MSI2: variants seen among roughly 807,000 people sequenced by gnomAD.
MSI2 encodes the protein RNA-binding protein Musashi homolog 2.
MSI2 carries 17 observed loss-of-function variants against 45.6 expected under a neutral mutation model. That is an observed-to-expected ratio of 0.37 (90% CI 0.26 to 0.56). The LOEUF is 0.56. MSI2 is among the 20% of genes least tolerant of loss of function. The pLI, the probability that MSI2 is intolerant of heterozygous loss-of-function variation, is 0.77. For missense variants in MSI2, 293 were observed against 444.2 expected, an observed-to-expected ratio of 0.66 and a Z score of 3.06; for synonymous variants, 156 against 158.2, an observed-to-expected ratio of 0.99 and a Z score of 0.11.
intron 4 of MSI2, among the ~76,000 whole-genome samples, 178 bp downstream of exon 4, chr17:57,258,532 T>C (rs1907025997): frequency 6.6e-6 from 1 of 152,186 alleles, no homozygotes; most frequent in Non-Finnish European, 1.5e-5. Context: ...GGTTTTCTTT[T>C]TAGAGCCTGT....
intron 8 of MSI2, among the ~76,000 whole-genome samples, chr17:57,599,799 C>T (rs1471745108): frequency 6.6e-6 from 1 of 152,170 alleles, no homozygotes; most frequent in African/African-American, 2.4e-5. Context: ...AACACTGGGC[C>T]TTGCTGAGCT....
At chr17:57,274,911 G>A (rs1908711865) in intron 5 of MSI2, among the ~76,000 whole-genome samples, 2 of 152,294 alleles carry the variant, frequency 1.3e-5, no homozygotes, top group Middle Eastern at 3.4e-3. Context: ...GTAGGGTTGT[G>A]GGGATTAAAT....
chr17:57,648,168 TG>T (rs1390593753), intron 10 of MSI2, among the ~76,000 whole-genome samples: 5 of 150,010 alleles, frequency 3.3e-5, no homozygotes, highest in African/African-American at 1.2e-4. Context: ...TGTGTGTGTG[TG>T]TGTGTGTGTG....
intron 8 of MSI2, chr17:57,601,948 G>A (rs763946179): frequency 1.3e-5 from 2 of 152,206 alleles, no homozygotes; most frequent in Non-Finnish European, 2.9e-5. Flanking sequence ...TTGAACCTGT[G>A]TCATTCTGGT....
At chr17:57,289,709 T>G (rs1910241831) in intron 5 of MSI2, among the ~76,000 whole-genome samples, 1 of 152,166 alleles carries the variant, frequency 6.6e-6, no homozygotes, top group Non-Finnish European at 1.5e-5. Flanking sequence ...ACAGCTCCCT[T>G]GGTGAGAAGG....
chr17:57,382,626 A>G (rs985851271), intron 5 of MSI2, among the ~76,000 whole-genome samples: 1 of 151,714 alleles, frequency 6.6e-6, no homozygotes, highest in Non-Finnish European at 1.5e-5. Flanking sequence ...GGGCTAGAAA[A>G]CCCTGCTGGC....
chr17:57,385,919 A>G (rs2083678177), intron 5 of MSI2, among the ~76,000 whole-genome samples: 1 of 152,220 alleles, frequency 6.6e-6, no homozygotes, highest in Non-Finnish European at 1.5e-5. Context: ...TCAAGGGCAC[A>G]GAACGAAATC....
chr17:57,324,474 A>G (rs1479864245), intron 5 of MSI2, among the ~76,000 whole-genome samples: 1 of 151,786 alleles, frequency 6.6e-6, no homozygotes, highest in Non-Finnish European at 1.5e-5. Flanking sequence ...CAGTTCCTGA[A>G]GGAGCCAGCA....
chr17:57,377,895 GA>G (rs1362434568), intron 5 of MSI2, among the ~76,000 whole-genome samples: 1 of 152,034 alleles, frequency 6.6e-6, no homozygotes, highest in Non-Finnish European at 1.5e-5. Context: ...CCAACATGGT[GA>G]AACCCCGTCT....
chr17:57,495,056 C>G (rs1409591592), intron 6 of MSI2, among the ~76,000 whole-genome samples: 1 of 152,074 alleles, frequency 6.6e-6, no homozygotes, highest in Non-Finnish European at 1.5e-5. Context: ...GCTGACCAGG[C>G]TGGGCTGCAG....
intron 5 of MSI2, among the ~76,000 whole-genome samples, chr17:57,388,295 G>A (rs1447754314): frequency 6.6e-6 from 1 of 152,224 alleles, no homozygotes; most frequent in Non-Finnish European, 1.5e-5. Context: ...GGCCAGATCA[G>A]CATATCTGGG....
chr17:57,421,192 C>T (rs1598248862), intron 6 of MSI2, among the ~76,000 whole-genome samples: 1 of 152,174 alleles, frequency 6.6e-6, no homozygotes, highest in East Asian at 1.9e-4. Flanking sequence ...CTGGCTTCCT[C>T]CACAGGTTAA....
chr17:57,391,665 A>ATGCC (rs2083794044), intron 5 of MSI2, among the ~76,000 whole-genome samples: 1 of 152,126 alleles, frequency 6.6e-6, no homozygotes, highest in Non-Finnish European at 1.5e-5. Context: ...TGCTGGAGTG[A>ATGCC]CAGGCACAGA....
chr17:57,622,714 A>G (rs749364288), intron 9 of MSI2, among the ~76,000 whole-genome samples: 34 of 152,146 alleles, frequency 2.2e-4, no homozygotes, highest in Non-Finnish European at 2.8e-4. Flanking sequence ...GGCGTTCACT[A>G]ACAGATCAAA....
intron 5 of MSI2, among the ~76,000 whole-genome samples, chr17:57,333,594 C>T (rs768311437): frequency 2.0e-4 from 30 of 152,034 alleles, no homozygotes; most frequent in Admixed American, 9.2e-4. Flanking sequence ...TGTGCCACCA[C>T]ACCTAGCTAA....
intron 10 of MSI2, among the ~76,000 whole-genome samples, chr17:57,648,748 C>G (rs1392486658): frequency 5.3e-5 from 8 of 152,178 alleles, no homozygotes; most frequent in Non-Finnish European, 1.0e-4. Flanking sequence ...GCCAGACCAC[C>G]TGCCTGGTTC....
chr17:57,463,516 C>T (rs1185652075), intron 6 of MSI2, among the ~76,000 whole-genome samples: 1 of 152,146 alleles, frequency 6.6e-6, no homozygotes, highest in African/African-American at 2.4e-5. Context: ...CTTTGCCCCG[C>T]CCTCCCAGCT....
At chr17:57,502,150 A>G (rs2086120857) in intron 6 of MSI2, among the ~76,000 whole-genome samples, 1 of 152,144 alleles carries the variant, frequency 6.6e-6, no homozygotes, top group South Asian at 2.1e-4. Context: ...AGAGAGAATG[A>G]GTTGGGGCAA....
At chr17:57,294,340 G>A (rs1477594818) in intron 5 of MSI2, among the ~76,000 whole-genome samples, 1 of 152,146 alleles carries the variant, frequency 6.6e-6, no homozygotes. Flanking sequence ...GCCGGCAGGT[G>A]CAGGGGCAGG....
Sources: allele counts gnomAD v4.1 joint callset (sites outside exome capture counted in the v4.1 genomes callset), GRCh38; gene constraint gnomAD v4.1.1; transcripts MANE v1.5; gene names NCBI Gene and HGNC (gene_info 2026-07-23, HGNC 2026-07-21).